PTGIS: variants seen among roughly 807,000 people sequenced by gnomAD.
The protein encoded by PTGIS is prostacyclin synthase.
PTGIS carries 45 observed loss-of-function variants against 50.3 expected under a neutral mutation model. That is an observed-to-expected ratio of 0.90 (90% CI 0.70 to 1.15). PTGIS has a LOEUF of 1.15. Among genes scored for constraint, PTGIS ranks in the 50% most tolerant of loss-of-function variants. The probability of loss-of-function intolerance (pLI) is 0.00; values close to 1 mark genes in which losing one functional copy is unlikely to be tolerated. For missense variants in PTGIS, 668 were observed against 661.3 expected (o/e 1.01, Z -0.11); for synonymous variants, 260 against 267.7 (o/e 0.97, Z 0.28).
intron 1 of PTGIS, among the ~76,000 whole-genome samples, chr20:49,555,952 T>C (rs1327785438): frequency 6.6e-6 from 1 of 152,258 alleles, no homozygotes; most frequent in African/African-American, 2.4e-5. Context: ...TAATCCCATC[T>C]TGAGCAGAAC....
Position 49,524,124 on chromosome 20 carries a change from C to T in PTGIS, c.789G>A (p.Leu263=). Residue 263 remains leucine, a synonymous_variant, in exon 6 of 10, where the codon CTG becomes CTA. Coordinates refer to ENST00000244043, the MANE Select transcript of PTGIS (RefSeq NM_000961.4). ...SKWLESYLLH[L]EEMGVSEEMQ... ...TCTCCTCTGACACACCCATCTCCTC[C>T]AGGTGCAGCAGGTAACTCTCCAGCC... The T allele has an allele frequency of 6.2e-7, 1 of 1,614,260 alleles. No individual in the cohort carries two copies. The highest frequency in any genetic ancestry group is 8.5e-7 in the Non-Finnish European group (1 of 1,180,052).
chr20:49,511,210 C>G, intron 8 of PTGIS, 31 bp from the exon 9 acceptor site: 1 of 1,612,680 alleles, frequency 6.2e-7, no homozygotes, highest in Non-Finnish European at 8.5e-7. Flanking sequence ...TTTTCTGACC[C>G]CATTCCCAGA....
chr20:49,539,196 C>T (rs951023054), intron 5 of PTGIS, among the ~76,000 whole-genome samples: 17 of 152,068 alleles, frequency 1.1e-4, no homozygotes, highest in Admixed American at 3.9e-4. Flanking sequence ...GAAAGTGGAG[C>T]GCTCTTTTAT....
At position 49,539,567 on chromosome 20, in the gene PTGIS, T is replaced by C. The variant is rs1982168722; in HGVS notation, c.673+3A>G. 1 of 1,613,430 alleles carries C rather than the reference T, an allele frequency of 6.2e-7. No homozygotes were observed. Among genetic ancestry groups the C allele is most frequent in the South Asian group, 1.1e-5 (1 of 90,870 alleles). ...CACCCACTGGGGCCCCCATGGTGCT[T>C]ACCCACTGACAGGGAGCCACGGGCC... On this transcript the variant is annotated splice_donor_region_variant and intron_variant, in intron 5 of 9. Coordinates refer to ENST00000244043, the MANE Select transcript of PTGIS (RefSeq NM_000961.4).
At chr20:49,549,655 C>T (rs1256594123) in intron 2 of PTGIS, among the ~76,000 whole-genome samples, 1 of 151,974 alleles carries the variant, frequency 6.6e-6, no homozygotes, top group African/African-American at 2.4e-5. Flanking sequence ...AGTGGATAGA[C>T]GGAGGTTGAC....
chr20:49,514,286 T>C lies in PTGIS; in HGVS notation c.965A>G (p.Gln322Arg). The C allele has an allele frequency of 6.2e-7, 1 of 1,614,124 alleles. No individual in the cohort carries two copies. The highest frequency in any genetic ancestry group is 1.1e-5 in the South Asian group (1 of 91,084). Residue 322 changes from glutamine to arginine, a missense_variant, in exon 7 of 10, where the codon CAG becomes CGG. Gln to Arg is a conservative substitution (Grantham distance 43). Transcript: ENST00000244043. ...GAGAGTGGTCGTCTGCGAGACAGGCTGCTCCGCTTGCCAAAGGATACTCTC... is the reference window on the plus strand; with the variant it reads ...GAGAGTGGTCGTCTGCGAGACAGGCCGCTCCGCTTGCCAAAGGATACTCTC... The part of the protein sequence containing the change: ...ELESILWQAE[Q>R]PVSQTTTLPQ...
Position 49,539,651 on chromosome 20 carries a change from C to G in PTGIS, c.592G>C (p.Val198Leu). The G allele has an allele frequency of 6.2e-7, 1 of 1,613,916 alleles. No individual in the cohort carries two copies. The highest frequency in any genetic ancestry group is 8.5e-7 in the Non-Finnish European group (1 of 1,179,970). ...RTHESQAQDR[V>L]HSADVFHTFR... is the part of the protein sequence containing the mutation. ...GTGTGGAAGACATCAGCTGAGTGGA[C>G]GCGGTCCTGGGCCTGGCTTTCATGG... The change falls in exon 5 of 10, where the codon GTC becomes CTC. Residue 198 changes from valine (V) to leucine (L), a missense_variant. Coordinates refer to ENST00000244043, the MANE Select transcript of PTGIS (RefSeq NM_000961.4).
chr20:49,521,037 C>T (rs564006862), intron 6 of PTGIS, among the ~76,000 whole-genome samples: 9 of 152,332 alleles, frequency 5.9e-5, no homozygotes, highest in African/African-American at 2.2e-4. Context: ...GTTTTGCTCA[C>T]CGCTCTATCC....
chr20:49,517,405 G>A (rs1981514391), intron 6 of PTGIS, among the ~76,000 whole-genome samples: 1 of 152,136 alleles, frequency 6.6e-6, no homozygotes, highest in South Asian at 2.1e-4. Context: ...GGCAAGTTAG[G>A]GAGGTGACCA....
At chr20:49,548,988 AGGTG>A (rs1380357585) in intron 2 of PTGIS, among the ~76,000 whole-genome samples, 1 of 152,118 alleles carries the variant, frequency 6.6e-6, no homozygotes, top group African/African-American at 2.4e-5. Flanking sequence ...GATACATGGA[AGGTG>A]GGTGGGTGGT....
chr20:49,543,523 C>A (rs1446170483), intron 4 of PTGIS, among the ~76,000 whole-genome samples: 3 of 152,228 alleles, frequency 2.0e-5, no homozygotes, highest in African/African-American at 4.8e-5. Context: ...ACTTCTCTGA[C>A]CTCCTGTCCA....
chr20:49,522,051 C>T (rs1981665115), intron 6 of PTGIS, among the ~76,000 whole-genome samples: 1 of 152,134 alleles, frequency 6.6e-6, no homozygotes, highest in South Asian at 2.1e-4. Flanking sequence ...TCCCAGGCCC[C>T]CATCTCGCCC....
chr20:49,522,760 C>T (rs1208619271), intron 6 of PTGIS, among the ~76,000 whole-genome samples: 2 of 152,198 alleles, frequency 1.3e-5, no homozygotes, highest in Non-Finnish European at 2.9e-5. Context: ...TGCAGTGGCT[C>T]ATGCCTGTAA....
Position 49,550,170 on chromosome 20 carries a change from G to A in PTGIS, c.94C>T (p.Leu32=), listed in dbSNP as rs1288352628. The A allele has an allele frequency of 6.2e-7, 1 of 1,613,536 alleles. No homozygotes were observed. Among genetic ancestry groups the A allele is most frequent in the South Asian group, 1.1e-5 (1 of 91,066 alleles). ...RRTRRPGEPP[L]DLGSIPWLGY... ...AACCAGGGGATGCTGCCCAGGTCCA[G>A]GGGAGGCTCACCAGGTCGCCTACAG... is the stretch of plus-strand genomic sequence containing the variant. The change falls in exon 2 of 10, where the codon CTG becomes TTG. Residue 32 remains leucine (L), a synonymous_variant. Coordinates refer to ENST00000244043, the MANE Select transcript of PTGIS (RefSeq NM_000961.4).
chr20:49,529,078 T>A (rs1981867121), intron 5 of PTGIS, among the ~76,000 whole-genome samples: 1 of 152,182 alleles, frequency 6.6e-6, no homozygotes, highest in South Asian at 2.1e-4. Flanking sequence ...ATTGCTGCAA[T>A]CAAGCTAATT....
In PTGIS at chr20:49,524,159, G is replaced by C. The variant is rs145783271; in HGVS notation, c.754C>G (p.Arg252Gly). The C allele has an allele frequency of 3.7e-6, 6 of 1,614,048 alleles. No homozygotes were observed. Among genetic ancestry groups the C allele is most frequent in the African/African-American group, 1.3e-5 (1 of 74,914 alleles). Reference protein sequence around the residue: ...SPARLARRAHRSKWLESYLLH... With the variant: ...SPARLARRAHGSKWLESYLLH... ...AGGTAACTCTCCAGCCATTTGCTCCGGTGGGCCCGCCTGGCCAGCCTGGCT... is the reference window on the plus strand; with the variant it reads ...AGGTAACTCTCCAGCCATTTGCTCCCGTGGGCCCGCCTGGCCAGCCTGGCT... The change falls in exon 6 of 10, where the codon CGG becomes GGG. Residue 252 changes from arginine to glycine, a missense_variant. By Grantham distance (125) the Arg-to-Gly change is moderately radical. Transcript: ENST00000244043.
intron 1 of PTGIS, among the ~76,000 whole-genome samples, chr20:49,555,137 G>A (rs1982596146): frequency 6.6e-6 from 1 of 152,118 alleles, no homozygotes; most frequent in Non-Finnish European, 1.5e-5. Context: ...GCTGGGTGTG[G>A]TGGCAGGTGC....
rs1332259581 is a variant in PTGIS, at chr20:49,540,720, A to C, written c.522-999T>G. On this transcript the variant is annotated intron_variant, in intron 4 of 9. Transcript: ENST00000244043. This position sits in a 1 kb window ranked among gnomAD's most constrained non-coding sequence, Gnocchi z 4.8. Reference sequence around the variant, plus strand: ...GCTCAGAGGACGCGCCTTCACCTCCAGCCCCCTTTAAATGCCCCAGGAGTC... The same window carrying C: ...GCTCAGAGGACGCGCCTTCACCTCCCGCCCCCTTTAAATGCCCCAGGAGTC... Among the ~76,000 whole-genome samples, 3 of 152,132 alleles carry C rather than the reference A, an allele frequency of 2.0e-5. No homozygotes were observed. The highest frequency in any genetic ancestry group is 7.2e-5 in the African/African-American group (3 of 41,428).
intron 5 of PTGIS, 36 bp from the exon 6 acceptor site, chr20:49,524,275 A>G (rs764807101): frequency 6.2e-7 from 1 of 1,609,006 alleles, no homozygotes; most frequent in Non-Finnish European, 8.5e-7. Context: ...GGGGTTACAG[A>G]TTCACCATCC....
Sources: allele counts gnomAD v4.1 joint callset (sites outside exome capture counted in the v4.1 genomes callset), GRCh38; gene constraint gnomAD v4.1.1; non-coding constraint Gnocchi (gnomAD v3.1); transcripts MANE v1.5; gene names NCBI Gene and HGNC (gene_info 2026-07-23, HGNC 2026-07-21).